UGT1A8: variants seen among roughly 807,000 people sequenced by gnomAD.
The protein encoded by UGT1A8 is UDP-glucuronosyltransferase 1A8.
A neutral mutation model predicts 45.3 loss-of-function variants in UGT1A8; 39 were observed. The observed-to-expected ratio is 0.86, with a 90% CI of 0.67 to 1.12. The LOEUF is 1.12. UGT1A8 is among the 50% of genes most tolerant of loss of function. The probability of loss-of-function intolerance (pLI) is 0.00; values close to 1 mark genes in which losing one functional copy is unlikely to be tolerated. For synonymous variants in UGT1A8, 275 were observed against 249.2 expected (o/e 1.10, Z -0.97); for missense variants, 719 against 664.9 (o/e 1.08, Z -0.90).
In UGT1A8 at chr2:233,618,219, G is replaced by C. The variant is rs759908034; in HGVS notation, c.512G>C (p.Gly171Ala). The change falls in exon 1 of 5, where the codon GGA becomes GCA. Residue 171 changes from glycine (G) to alanine (A), a missense_variant. Gly to Ala is a moderately conservative substitution (Grantham distance 60, BLOSUM62 0). Coordinates refer to ENST00000373450, the MANE Select transcript of UGT1A8 (RefSeq NM_019076.5). The part of the protein sequence containing the change: ...FSLPSVVFAR[G>A]IACHYLEEGA... ...CTCCCCTCTGTGGTCTTCGCCAGGG[G>C]AATAGCTTGCCACTATCTTGAAGAA... 6 of 1,613,796 alleles carry C rather than the reference G, an allele frequency of 3.7e-6. No homozygotes were observed. Among genetic ancestry groups the C allele is most frequent in the Non-Finnish European group, 5.1e-6 (6 of 1,179,902 alleles).
intron 1 of UGT1A8, among the ~76,000 whole-genome samples, chr2:233,642,086 A>G (rs2073468245): frequency 6.6e-6 from 1 of 152,158 alleles, no homozygotes; most frequent in African/African-American, 2.4e-5. Context: ...ATCCCTTTGA[A>G]TAAACTTTCT....
In UGT1A8 at chr2:233,767,156, C is replaced by A. The variant is rs1029357504; in HGVS notation, c.978C>A (p.Ile326=). Residue 326 remains isoleucine, a synonymous_variant, in exon 2 of 5, where the codon ATC becomes ATA. Coordinates refer to ENST00000373450, the MANE Select transcript of UGT1A8 (RefSeq NM_019076.5). Reference sequence around the variant, plus strand: ...CAATTGCTGATGCTTTGGGCAAAATCCCTCAGACAGTAAGAAGATTCTATA... The same window carrying A: ...CAATTGCTGATGCTTTGGGCAAAATACCTCAGACAGTAAGAAGATTCTATA... ...AMAIADALGK[I]PQTVLWRYTG... The A allele has an allele frequency of 6.2e-7, 1 of 1,614,058 alleles. No individual in the cohort carries two copies. Among genetic ancestry groups the A allele is most frequent in the Non-Finnish European group, 8.5e-7 (1 of 1,179,996 alleles).
intron 1 of UGT1A8, chr2:233,754,454 C>T: frequency 5.6e-6 from 2 of 355,014 alleles, no homozygotes; most frequent in Admixed American, 3.8e-5. Context: ...TTCTTGGGTA[C>T]AGCTGTTCTG....
intron 4 of UGT1A8, among the ~76,000 whole-genome samples, chr2:233,768,740 G>A (rs6431630): frequency 0.18 from 26,721 of 151,438 alleles, 3,378 homozygotes; most frequent in African/African-American, 0.35. Context: ...CCACCACCAC[G>A]CCCGGTTAAT....
chr2:233,696,615 T>G (rs2075352181), intron 1 of UGT1A8, among the ~76,000 whole-genome samples: 1 of 152,234 alleles, frequency 6.6e-6, no homozygotes, highest in Non-Finnish European at 1.5e-5. Flanking sequence ...CCTTTCTTTC[T>G]TTCTTTCTCT....
intron 1 of UGT1A8, among the ~76,000 whole-genome samples, chr2:233,720,509 A>C (rs1440036500): frequency 1.3e-5 from 2 of 152,082 alleles, no homozygotes; most frequent in Admixed American, 6.6e-5. Flanking sequence ...TCTCAGGTGA[A>C]GCTGATCATA....
rs202172337 is a variant in UGT1A8, at chr2:233,772,279, T to A, written c.1313T>A (p.Met438Lys). Residue 438 changes from methionine to lysine, a missense_variant, in exon 5 of 5, where the codon ATG (methionine) becomes AAG (lysine). Coordinates refer to ENST00000373450, the MANE Select transcript of UGT1A8 (RefSeq NM_019076.5). ...INDKSYKENIMRLSSLHKDRP... is the reference protein window; with the variant it reads ...INDKSYKENIKRLSSLHKDRP... ...GTGTTTAGTTACAAGGAGAACATCA[T>A]GCGCCTCTCCAGCCTTCACAAGGAC... 1.9e-6 allele frequency: 3 copies of A among 1,614,146 alleles called. No individual in the cohort carries two copies. Among genetic ancestry groups the A allele is most frequent in the African/African-American group, 2.7e-5 (2 of 74,942 alleles).
intron 1 of UGT1A8, among the ~76,000 whole-genome samples, chr2:233,673,747 A>G (rs572226179): frequency 4.6e-5 from 7 of 152,300 alleles, no homozygotes; most frequent in Admixed American, 2.0e-4. Context: ...CATGTAACTG[A>G]CTATGGGTAA....
At chr2:233,630,105 G>T (rs1276144673) in intron 1 of UGT1A8, among the ~76,000 whole-genome samples, 1 of 151,638 alleles carries the variant, frequency 6.6e-6, no homozygotes, top group Non-Finnish European at 1.5e-5. Flanking sequence ...CAACAAACCA[G>T]CTTTGGTTTC....
intron 1 of UGT1A8, among the ~76,000 whole-genome samples, chr2:233,644,300 G>T (rs1278808102): frequency 6.6e-6 from 1 of 152,206 alleles, no homozygotes; most frequent in East Asian, 1.9e-4. Flanking sequence ...GGGCACGGTG[G>T]CTCATGCCTG....
intron 1 of UGT1A8, among the ~76,000 whole-genome samples, chr2:233,674,931 G>A (rs1343916543): frequency 6.6e-6 from 1 of 152,200 alleles, no homozygotes; most frequent in Admixed American, 6.5e-5. Context: ...TCTGGGAAAA[G>A]CATGCAGTTG....
Position 233,767,067 on chromosome 2 carries a change from C to G in UGT1A8, c.889C>G (p.His297Asp). ...FEAYINASGE[H>D]GIVVFSLGSM... The stretch of plus-strand genomic sequence containing the variant: ...AGCCTACATTAATGCTTCTGGAGAA[C>G]ATGGAATTGTGGTTTTCTCTTTGGG... Residue 297 changes from histidine to aspartate, a missense_variant, in exon 2 of 5, where the codon CAT becomes GAT. Coordinates refer to ENST00000373450, the MANE Select transcript of UGT1A8 (RefSeq NM_019076.5). The G allele has an allele frequency of 6.2e-7, 1 of 1,614,098 alleles. No individual in the cohort carries two copies. Among genetic ancestry groups the G allele is most frequent in the East Asian group, 2.2e-5 (1 of 44,866 alleles).
chr2:233,726,607 G>C (rs2077545440), intron 1 of UGT1A8, among the ~76,000 whole-genome samples: 1 of 152,126 alleles, frequency 6.6e-6, no homozygotes, highest in Non-Finnish European at 1.5e-5. Context: ...TGATTACACT[G>C]TCCTGCCCAG....
chr2:233,744,550 CAA>C (rs1194427613), intron 1 of UGT1A8, among the ~76,000 whole-genome samples: 3 of 151,848 alleles, frequency 2.0e-5, no homozygotes, highest in Non-Finnish European at 4.4e-5. Flanking sequence ...TTTATTAAGA[CAA>C]AATGTAGTGA....
Position 233,719,571 on chromosome 2 carries a change from T to C in UGT1A8, c.856-47463T>C, listed in dbSNP as rs749406769. The C allele has an allele frequency of 1.9e-5, 31 of 1,613,788 alleles. No individual in the cohort carries two copies. Among genetic ancestry groups the C allele is most frequent in the Non-Finnish European group, 2.2e-5 (26 of 1,179,874 alleles). ...GGTGTCAGTGGTGGATCTTGTCAGC[T>C]ATGCATCCGTGTGGCTGTTCCGAGG... On this transcript the variant is annotated intron_variant, in intron 1 of 4. Coordinates refer to ENST00000373450, the MANE Select transcript of UGT1A8 (RefSeq NM_019076.5).
chr2:233,714,744 A>G (rs988527587), intron 1 of UGT1A8, among the ~76,000 whole-genome samples: 3 of 152,232 alleles, frequency 2.0e-5, no homozygotes, highest in Non-Finnish European at 4.4e-5. Flanking sequence ...AATCTAGCAT[A>G]TATTTGACAC....
At chr2:233,745,026 A>G (rs1010617743) in intron 1 of UGT1A8, among the ~76,000 whole-genome samples, 2 of 151,918 alleles carry the variant, frequency 1.3e-5, no homozygotes, top group Non-Finnish European at 2.9e-5. Flanking sequence ...TGCTATGTAA[A>G]TAGTTGTTTT....
chr2:233,640,477 C>A (rs1439373455), intron 1 of UGT1A8, among the ~76,000 whole-genome samples: 4 of 152,128 alleles, frequency 2.6e-5, no homozygotes, highest in Admixed American at 1.3e-4. Flanking sequence ...AATATTATCT[C>A]ATTTCTAGCC....
intron 1 of UGT1A8, among the ~76,000 whole-genome samples, chr2:233,740,368 A>C (rs1423573410): frequency 6.6e-6 from 1 of 151,928 alleles, no homozygotes; most frequent in Non-Finnish European, 1.5e-5. Flanking sequence ...AATTCCTAGA[A>C]AGGTAAGTTG....
Sources: gnomAD v4.1 joint callset for allele counts (sites outside exome capture counted in the v4.1 genomes callset) on GRCh38, gnomAD v4.1.1 for gene constraint, MANE v1.5 for transcripts, NCBI Gene and HGNC (gene_info 2026-07-23, HGNC 2026-07-21) for gene names.